The following UHRF1 variants were observed in gnomAD, a reference collection of about 807,000 sequenced individuals.
UHRF1 encodes ubiquitin like with PHD and ring finger domains 1, also known as E3 ubiquitin-protein ligase UHRF1.
In UHRF1, 9 loss-of-function variants were observed where a neutral mutation model predicts 96.5. The observed-to-expected ratio is 0.09, with a 90% CI of 0.06 to 0.16. UHRF1 has a LOEUF of 0.16. Ranked by LOEUF, UHRF1 falls within the 10% of genes least tolerant of loss-of-function variation. The pLI is 1.00. For synonymous variants in UHRF1, 455 were observed against 469.9 expected, an observed-to-expected ratio of 0.97 and a Z score of 0.41; for missense variants, 626 against 1,131.1, an observed-to-expected ratio of 0.55 and a Z score of 6.40.
chr19:4,947,963 G>A (rs1271278528), intron 11 of UHRF1, among the ~76,000 whole-genome samples: 2 of 152,038 alleles, frequency 1.3e-5, no homozygotes, highest in Non-Finnish European at 2.9e-5. Flanking sequence ...AATTAGCTGG[G>A]TGTGTTAGCA....
intron 13 of UHRF1, among the ~76,000 whole-genome samples, chr19:4,953,858 C>T (rs918900926): frequency 2.0e-5 from 3 of 152,062 alleles, no homozygotes; most frequent in African/African-American, 4.8e-5. Flanking sequence ...CCAGCCTGGC[C>T]AACATGGTGA....
At chr19:4,959,008 C>T (rs2033926202) in intron 16 of UHRF1, among the ~76,000 whole-genome samples, 1 of 150,972 alleles carries the variant, frequency 6.6e-6, no homozygotes, top group Admixed American at 6.6e-5. Flanking sequence ...GACAGCATCT[C>T]ACTCTGTCGC....
intron 2 of UHRF1, among the ~76,000 whole-genome samples, chr19:4,924,573 G>A (rs1001672404): frequency 2.0e-5 from 3 of 152,126 alleles, no homozygotes; most frequent in Non-Finnish European, 1.5e-5. Flanking sequence ...GTAAGCCACT[G>A]TGCCCAGCCC....
chr19:4,906,556 C>T (rs2032068158), upstream of UHRF1, among the ~76,000 whole-genome samples: 1 of 152,122 alleles, frequency 6.6e-6, no homozygotes, highest in Non-Finnish European at 1.5e-5. Context: ...GAGTTTGAGA[C>T]CAGCCTGGCC....
chr19:4,928,145 G>C (rs2032931534), intron 2 of UHRF1, among the ~76,000 whole-genome samples: 1 of 151,980 alleles, frequency 6.6e-6, no homozygotes, highest in Non-Finnish European at 1.5e-5. Flanking sequence ...GGACATTTGT[G>C]GTCGTCACAA....
At chr19:4,907,021 G>A (rs1214463546), upstream of UHRF1, among the ~76,000 whole-genome samples, 1 of 152,198 alleles carries the variant, frequency 6.6e-6, no homozygotes, top group East Asian at 1.9e-4. Context: ...TGCAAACAGT[G>A]AACAGCACCA....
In UHRF1 at chr19:4,932,846, C is replaced by T. The variant is rs17881281; in HGVS notation, c.675C>T (p.Leu225=). 8.3e-4 allele frequency: 1,343 copies of T among 1,613,880 alleles called. 11 individuals are homozygous for T. The African/African-American group carries it at 0.016, about 19-fold the overall frequency. ...QDLEVGQVVM[L]NYNPDNPKER... ...TGGAGGTGGGCCAGGTGGTCATGCT[C>T]AACTACAACCCCGACAACCCCAAGG... Residue 225 remains leucine (L), a synonymous_variant, in exon 5 of 17, where the codon CTC becomes CTT. Transcript: ENST00000650932.
intron 1 of UHRF1, chr19:4,910,109 G>T (rs1345502463): frequency 6.6e-6 from 1 of 152,546 alleles, no homozygotes; most frequent in Non-Finnish European, 1.5e-5. Context: ...TGACGAGCGG[G>T]GGCCCCCTCT....
At position 4,929,120 on chromosome 19, in the gene UHRF1, C is replaced by CG. The variant is rs371038150; in HGVS notation, c.154-102_154-101insG. The CG allele has an allele frequency of 3.4e-4, 503 of 1,472,946 alleles. 2 individuals are homozygous for CG. In the African/African-American group the frequency reaches 6.2e-3, roughly 18 times the overall value. The allele number at this position is 1,472,946 out of a possible 1,614,324, so 91.2% of individuals were successfully genotyped here. A position where few individuals can be genotyped will look rare whatever the true frequency, so the allele number is the denominator to read the frequency against. ...TTACTCTGATGCAGATTGCCCCCCC[C>CG]CCACAAGGGCTGGGACACAGTGTTT... On this transcript the variant is annotated intron_variant, in intron 2 of 16. Transcript: ENST00000650932.
intron 11 of UHRF1, 86 bp downstream of exon 11, chr19:4,947,297 A>G (rs996146315): frequency 8.1e-7 from 1 of 1,231,912 alleles, no homozygotes; most frequent in East Asian, 2.4e-5. Context: ...CCAGCAAGTG[A>G]TAGTCTCATT....
At chr19:4,956,674 G>C (rs1256509110) in intron 15 of UHRF1, 35 bp from the exon 16 acceptor site, 6 of 1,405,424 alleles carry the variant, frequency 4.3e-6, no homozygotes, top group Non-Finnish European at 6.0e-6. Context: ...CCTGGTCCCG[G>C]TGTCTTTGCC....
At chr19:4,944,078 T>C in intron 7 of UHRF1, 54 bp from the exon 8 acceptor site, 1 of 1,604,776 alleles carries the variant, frequency 6.2e-7, no homozygotes, top group South Asian at 1.1e-5. Context: ...GGGCACATGT[T>C]GGCTGAGACA....
intron 13 of UHRF1, among the ~76,000 whole-genome samples, chr19:4,952,282 C>T (rs986462786): frequency 1.1e-4 from 16 of 151,530 alleles, no homozygotes; most frequent in Admixed American, 2.0e-4. Flanking sequence ...TTAGTAGAGA[C>T]GGGGTTTCAC....
intron 1 of UHRF1, chr19:4,910,356 GA>G (rs1364025542): frequency 1.3e-5 from 2 of 151,262 alleles, no homozygotes; most frequent in Non-Finnish European, 3.0e-5. Flanking sequence ...GGCCGGCAAG[GA>G]GGGGGGGCGT....
chr19:4,949,452 A>G (rs1249222459), intron 11 of UHRF1, among the ~76,000 whole-genome samples: 1 of 149,272 alleles, frequency 6.7e-6, no homozygotes, highest in Non-Finnish European at 1.5e-5. Flanking sequence ...TCATACCATT[A>G]TCTAAAACAA....
chr19:4,908,275 T>G (rs1268330487), upstream of UHRF1, among the ~76,000 whole-genome samples: 1 of 152,188 alleles, frequency 6.6e-6, no homozygotes. Flanking sequence ...GGGGCCATGA[T>G]CTGTCTCCTA....
intron 2 of UHRF1, among the ~76,000 whole-genome samples, chr19:4,918,044 G>GTTTCCCCCC (rs1442582670): frequency 6.6e-6 from 1 of 152,110 alleles, no homozygotes; most frequent in Non-Finnish European, 1.5e-5. Flanking sequence ...TTGACCTTCA[G>GTTTCCCCCC]TTTCCCCCCT....
intron 2 of UHRF1, among the ~76,000 whole-genome samples, chr19:4,914,880 C>T (rs2032433408): frequency 6.6e-6 from 1 of 152,006 alleles, no homozygotes; most frequent in Non-Finnish European, 1.5e-5. Flanking sequence ...CGGAGTGAGC[C>T]CTGTGCCAGG....
intron 11 of UHRF1, 143 bp downstream of exon 11, chr19:4,947,354 C>A: frequency 1.3e-6 from 1 of 760,064 alleles, no homozygotes; most frequent in Non-Finnish European, 2.2e-6. Context: ...GTTCCTCCCT[C>A]TGTCTCCCAA....
Sources: allele counts gnomAD v4.1 joint callset (sites outside exome capture counted in the v4.1 genomes callset), GRCh38; gene constraint gnomAD v4.1.1; transcripts MANE v1.5; gene names NCBI Gene and HGNC (gene_info 2026-07-23, HGNC 2026-07-21).